Variants in SRCAP observed in about 807,000 individuals in gnomAD.
SRCAP encodes chromatin remodeling protein SRCAP.
Under a neutral mutation model 263.1 loss-of-function variants are expected in SRCAP, and 46 were observed. The observed-to-expected ratio is 0.17, with a 90% CI of 0.14 to 0.22. The LOEUF (loss-of-function observed/expected upper bound fraction) is 0.22. Ranked by LOEUF, SRCAP falls within the 10% of genes least tolerant of loss-of-function variation. The probability of loss-of-function intolerance (pLI) is 1.00; values close to 1 mark genes in which losing one functional copy is unlikely to be tolerated. For synonymous variants in SRCAP, 1,813 were observed against 1,662.1 expected, an observed-to-expected ratio of 1.09 and a Z score of -2.21; for missense variants, 3,695 against 4,181.9, an observed-to-expected ratio of 0.88 and a Z score of 3.21.
intron 3 of SRCAP, 126 bp downstream of exon 3, chr16:30,701,004 G>T: frequency 1.1e-6 from 1 of 870,184 alleles, no homozygotes; most frequent in East Asian, 2.7e-5. Context: ...CGGGGGCTGG[G>T]CTGTAGTATA....
intron 25 of SRCAP, chr16:30,726,289 C>T (rs1238451259): frequency 2.0e-5 from 3 of 152,138 alleles, no homozygotes; most frequent in Non-Finnish European, 4.4e-5. Context: ...GTTACTTCTG[C>T]TTTATGGTTG....
Position 30,724,550 on chromosome 16 carries a change from G to A in SRCAP, c.5126G>A (p.Gly1709Glu). ...TLSLGTGNPQ[G>E]PFPTQTLSLT... ...TCTTTGGGAACGGGGAACCCCCAGG[G>A]ACCCTTTCCAACTCAGACATTGTCA... The change falls in exon 25 of 34, where the codon GGA becomes GAA. Residue 1709 changes from glycine (G) to glutamate (E), a missense_variant. By Grantham distance (98) the Gly-to-Glu change is moderately conservative. This residue lies in a region of SRCAP where 1,347 missense variants were observed against 1,304.4 expected (regional missense o/e 1.03). Coordinates refer to ENST00000262518, the MANE Select transcript of SRCAP (RefSeq NM_006662.3). 1.2e-6 allele frequency: 2 copies of A among 1,614,150 alleles called. No homozygotes were observed. The highest frequency in any genetic ancestry group is 2.2e-5 in the East Asian group (1 of 44,878).
At chr16:30,712,537 C>T (rs1005653790) in intron 13 of SRCAP, 98 bp downstream of exon 13, 5 of 1,514,386 alleles carry the variant, frequency 3.3e-6, no homozygotes, top group African/African-American at 2.8e-5. Context: ...GCTTTATTGA[C>T]TCCGGTCATT....
intron 4 of SRCAP, among the ~76,000 whole-genome samples, chr16:30,705,006 AAC>A (rs1377899430): frequency 6.6e-6 from 1 of 152,060 alleles, no homozygotes; most frequent in Non-Finnish European, 1.5e-5. Context: ...ACTTAGTAGA[AAC>A]ACAAATTCTT....
Position 30,722,627 on chromosome 16 carries a change from G to A in SRCAP, c.3771G>A (p.Val1257=). The part of the protein sequence containing the change: ...QHHLISQPAH[V]ALIQAVAPTP... ...ATCTCATCAGCCAGCCTGCCCATGT[G>A]GCCCTCATCCAGGCCGTGGCCCCGA... Residue 1257 remains valine (V), a synonymous_variant, in exon 23 of 34, where the codon GTG becomes GTA. Coordinates refer to ENST00000262518, the MANE Select transcript of SRCAP (RefSeq NM_006662.3). 1 of 1,614,054 alleles carries A rather than the reference G, an allele frequency of 6.2e-7. No homozygotes were observed. The highest frequency in any genetic ancestry group is 1.3e-5 in the African/African-American group (1 of 74,988).
rs1361998178 is a variant in SRCAP, at chr16:30,738,324, G to A, written c.8284G>A (p.Glu2762Lys). The A allele has an allele frequency of 6.3e-7, 1 of 1,586,106 alleles. No individual in the cohort carries two copies. The highest frequency in any genetic ancestry group is 1.4e-5 in the African/African-American group (1 of 74,058). ...GCTGGTAACTGTGGTAGAGGAAAAG[G>A]AACTGGTGCGGCGGCGGCGGCAGCA... Reference protein sequence around the residue: ...GRLVTVVEEKELVRRRRQQRG... With the variant: ...GRLVTVVEEKKLVRRRRQQRG... Residue 2762 changes from glutamate (E) to lysine (K), a missense_variant, in exon 34 of 34, where the codon GAA (glutamate) becomes AAA (lysine). Transcript: ENST00000262518.
intron 27 of SRCAP, among the ~76,000 whole-genome samples, chr16:30,731,638 G>T (rs1044038824): frequency 2.0e-5 from 3 of 152,016 alleles, no homozygotes; most frequent in Non-Finnish European, 2.9e-5. Context: ...GGCTGAGGTG[G>T]GCAGCTCACT....
At chr16:30,713,743 G>A (rs377654746) in intron 16 of SRCAP, 32 bp downstream of exon 16, 3 of 1,602,922 alleles carry the variant, frequency 1.9e-6, no homozygotes, top group East Asian at 2.2e-5. Flanking sequence ...CAGGGTATTG[G>A]GAATGGTAAG....
chr16:30,707,835 T>C (rs143206233), intron 6 of SRCAP, 123 bp downstream of exon 6: 62 of 1,281,720 alleles, frequency 4.8e-5, no homozygotes, highest in Admixed American at 1.7e-4. Flanking sequence ...TAATGACGTT[T>C]ATGTTGTATG....
At chr16:30,700,492 A>G (rs1277964374) in intron 2 of SRCAP, 124 bp from the exon 3 acceptor site, 3 of 240,592 alleles carry the variant, frequency 1.2e-5, no homozygotes, top group Non-Finnish European at 2.5e-5. Context: ...TAAGTGCTCA[A>G]GAAATGTAAC....
At chr16:30,722,529 C>T in intron 22 of SRCAP, 34 bp from the exon 23 acceptor site, 4 of 1,477,260 alleles carry the variant, frequency 2.7e-6, no homozygotes, top group East Asian at 2.3e-5. Flanking sequence ...CTGATAGCTG[C>T]TTCTCTCTCT....
chr16:30,739,204 C>T lies in SRCAP; in HGVS notation c.9164C>T (p.Ser3055Phe), dbSNP rs1246113087. ...CAAGGGGAGAGTGAGGGTAGTTCCT[C>T]TGATGAGGATGGAAGCCGCCCCCTC... Reference protein sequence around the residue: ...QGQGESEGSSSDEDGSRPLTR... With the variant: ...QGQGESEGSSFDEDGSRPLTR... Residue 3055 changes from serine to phenylalanine, a missense_variant, in exon 34 of 34, where the codon TCT (serine) becomes TTT (phenylalanine). This residue lies in a region of SRCAP where 1,207 missense variants were observed against 1,142.9 expected (regional missense o/e 1.06). Coordinates refer to ENST00000262518, the MANE Select transcript of SRCAP (RefSeq NM_006662.3). 2.5e-6 allele frequency: 4 copies of T among 1,613,622 alleles called. No individual in the cohort carries two copies. Among genetic ancestry groups the T allele is most frequent in the African/African-American group, 2.7e-5 (2 of 74,952 alleles).
At chr16:30,721,500 G>A (rs1275876928) in intron 21 of SRCAP, 24 bp downstream of exon 21, 2 of 1,599,908 alleles carry the variant, frequency 1.3e-6, no homozygotes. Flanking sequence ...GCTCTGTGGT[G>A]AGGGACTTGA....
chr16:30,699,229 C>T lies in SRCAP; in HGVS notation c.-297C>T. On this transcript the variant is annotated 5_prime_UTR_variant, in exon 1 of 34. Coordinates refer to ENST00000262518, the MANE Select transcript of SRCAP (RefSeq NM_006662.3). The stretch of plus-strand genomic sequence containing the variant: ...CGAAACCTGAAGTCAAGAGTTAAGG[C>T]TTGTTGGCTTCTGGTGAGCTCGGGT... The T allele has an allele frequency of 5.0e-6, 2 of 398,734 alleles. No individual in the cohort carries two copies. Among genetic ancestry groups the T allele is most frequent in the Non-Finnish European group, 4.4e-6 (1 of 226,148 alleles). The allele number at this position is 398,734 out of a possible 1,614,324, so 24.7% of individuals were successfully genotyped here. A position where few individuals can be genotyped will look rare whatever the true frequency, so the allele number is the denominator to read the frequency against.
chr16:30,725,296 C>A, intron 25 of SRCAP: 2 of 1,029,656 alleles, frequency 1.9e-6, no homozygotes, highest in Admixed American at 3.5e-5. Context: ...GTTAGGATTA[C>A]AGGGGTGAGC....
chr16:30,720,390 G>T, intron 19 of SRCAP, 59 bp downstream of exon 19: 1 of 1,570,664 alleles, frequency 6.4e-7, no homozygotes, highest in East Asian at 2.3e-5. Flanking sequence ...AAGCTGCCCA[G>T]AGGGGCCTGG....
At chr16:30,725,322 C>CT (rs1291562130) in intron 25 of SRCAP, 5 of 720,450 alleles carry the variant, frequency 6.9e-6, no homozygotes, top group Admixed American at 7.5e-5. Flanking sequence ...CGCCCGGCCT[C>CT]TTTTCCCGTT....
At chr16:30,705,107 C>G (rs1174795874) in intron 4 of SRCAP, among the ~76,000 whole-genome samples, 1 of 152,162 alleles carries the variant, frequency 6.6e-6, no homozygotes, top group Non-Finnish European at 1.5e-5. Context: ...TCGAGACCAG[C>G]CTGGCCAACG....
At chr16:30,700,173 A>G (rs751833962) in intron 2 of SRCAP, among the ~76,000 whole-genome samples, 192 bp downstream of exon 2, 3 of 152,236 alleles carry the variant, frequency 2.0e-5, no homozygotes, top group Non-Finnish European at 2.9e-5. Context: ...AACGTGGTCA[A>G]CCTGGCTCTA....
Sources: allele counts gnomAD v4.1 joint callset (sites outside exome capture counted in the v4.1 genomes callset), GRCh38; gene constraint gnomAD v4.1.1; regional missense constraint gnomAD v4.1.1; transcripts MANE v1.5; gene names NCBI Gene and HGNC (gene_info 2026-07-23, HGNC 2026-07-21).